SLC5A10: variants seen among roughly 807,000 people sequenced by gnomAD.
The protein encoded by SLC5A10 is solute carrier family 5 member 10, also known as sodium/mannose cotransporter SLC5A10.
Under a neutral mutation model 68.9 loss-of-function variants are expected in SLC5A10, and 55 were observed. The ratio of observed to expected loss-of-function variants is 0.80; its 90% confidence interval spans 0.64 to 1.00. SLC5A10 has a LOEUF of 1.00. Among genes scored for constraint, SLC5A10 ranks in the 50% least tolerant of loss-of-function variants. The probability of loss-of-function intolerance (pLI) is 0.00; values close to 1 mark genes in which losing one functional copy is unlikely to be tolerated. For synonymous variants in SLC5A10, 344 were observed against 344.8 expected, an observed-to-expected ratio of 1.00 and a Z score of 0.02; for missense variants, 732 against 819.3, an observed-to-expected ratio of 0.89 and a Z score of 1.30.
intron 9 of SLC5A10, chr17:18,977,307 C>T: frequency 1.7e-6 from 1 of 581,416 alleles, no homozygotes; most frequent in Non-Finnish European, 3.0e-6. Flanking sequence ...GATCCTCTAA[C>T]CACAGGCTTT....
rs373054604 is a variant in SLC5A10, at chr17:18,969,304, G to A, written c.560-38G>A. On this transcript the variant is annotated intron_variant, in intron 6 of 14. Transcript: ENST00000395645. ...CCTCCCCGTGTCCCTCCTCCCTGGG[G>A]CCAGGGCCCCCTCCAGCAACCTTGC... 4.2e-5 allele frequency: 68 copies of A among 1,606,720 alleles called. No individual in the cohort carries two copies. In the African/African-American group the frequency reaches 8.4e-4, roughly 20 times the overall value.
rs1302056688 is a variant in SLC5A10 at position 19,020,528 on chromosome 17, C to T, written c.*97C>T. 2 of 1,188,154 alleles carry T rather than the reference C, an allele frequency of 1.7e-6. No individual in the cohort carries two copies. The highest frequency in any genetic ancestry group is 1.5e-5 in the African/African-American group (1 of 66,234). 73.6% of individuals were successfully genotyped at this position (1,188,154 alleles called of 1,614,324 possible). On this transcript the variant is annotated 3_prime_UTR_variant, in exon 15 of 15. Transcript: ENST00000395645. ...GAGGCCCCAAGAGGGGCAGATTCCC[C>T]TCACAGCTGCACAGCAGCTCGGTGC...
intron 9 of SLC5A10, among the ~76,000 whole-genome samples, chr17:18,991,544 T>C (rs1022145023): frequency 1.3e-5 from 2 of 152,160 alleles, no homozygotes; most frequent in Admixed American, 1.3e-4. Flanking sequence ...CAGCTCTACC[T>C]GCTGTTATGT....
At chr17:18,955,877 C>A (rs765817025) in intron 1 of SLC5A10, among the ~76,000 whole-genome samples, 1 of 152,094 alleles carries the variant, frequency 6.6e-6, no homozygotes, top group South Asian at 2.1e-4. Context: ...GCCTGGGCAA[C>A]ATAATGAGAC....
Position 19,022,108 on chromosome 17 carries a change from A to G in SLC5A10, c.*1677A>G, listed in dbSNP as rs772134595. The G allele has an allele frequency of 6.4e-7, 1 of 1,564,056 alleles. No individual in the cohort carries two copies. Among genetic ancestry groups the G allele is most frequent in the Non-Finnish European group, 8.7e-7 (1 of 1,155,836 alleles). ...AGCTGCGAGGGGTCCTGGGCTGAGA[A>G]GTCAAACTGGGCCTGGGCAAAGCAG... On this transcript the variant is annotated 3_prime_UTR_variant, in exon 15 of 15. Coordinates refer to ENST00000395645, the MANE Select transcript of SLC5A10 (RefSeq NM_001042450.4).
intron 9 of SLC5A10, among the ~76,000 whole-genome samples, chr17:18,992,460 A>C (rs1270575703): frequency 6.6e-6 from 1 of 152,064 alleles, no homozygotes; most frequent in Admixed American, 6.5e-5. Flanking sequence ...GGAGAACCCC[A>C]CCTGTGGCCA....
intron 1 of SLC5A10, among the ~76,000 whole-genome samples, chr17:18,954,480 G>C (rs1169217311): frequency 6.6e-6 from 1 of 152,240 alleles, no homozygotes; most frequent in Non-Finnish European, 1.5e-5. Context: ...AGCAGGCTAG[G>C]CTGGCCCAGC....
chr17:18,976,643 ACCTCG>A, intron 8 of SLC5A10: 1 of 597,514 alleles, frequency 1.7e-6, no homozygotes, highest in Non-Finnish European at 2.9e-6. Context: ...GAATGAGTGT[ACCTCG>A]GCTCTCGCTG....
chr17:18,995,799 T>C (rs910031002), intron 9 of SLC5A10, among the ~76,000 whole-genome samples: 41 of 151,836 alleles, frequency 2.7e-4, no homozygotes, highest in African/African-American at 9.9e-4. Context: ...TCCCAGCTAC[T>C]TGGGAGGCTG....
chr17:19,016,130 C>T (rs2044134195), intron 11 of SLC5A10, among the ~76,000 whole-genome samples: 1 of 151,892 alleles, frequency 6.6e-6, no homozygotes, highest in African/African-American at 2.4e-5. Flanking sequence ...CCTGCGACCT[C>T]CACCTCCCGG....
At chr17:19,006,020 A>G (rs937617824) in intron 9 of SLC5A10, among the ~76,000 whole-genome samples, 4 of 152,122 alleles carry the variant, frequency 2.6e-5, no homozygotes, top group African/African-American at 9.7e-5. Flanking sequence ...CTGTGTTCTT[A>G]CCAATGCACA....
chr17:19,010,747 C>A (rs1275483707), intron 9 of SLC5A10, among the ~76,000 whole-genome samples: 1 of 152,228 alleles, frequency 6.6e-6, no homozygotes, highest in African/African-American at 2.4e-5. Context: ...AGCCCATCAG[C>A]AGTGGCTCAT....
chr17:19,006,543 TCAC>T (rs977632403), intron 9 of SLC5A10, among the ~76,000 whole-genome samples: 1 of 152,162 alleles, frequency 6.6e-6, no homozygotes, highest in Non-Finnish European at 1.5e-5. Flanking sequence ...TGGCCAGATT[TCAC>T]CAGTTTTACA....
In SLC5A10 at chr17:18,959,247, C is replaced by T; in HGVS notation, c.288+8C>T. The T allele has an allele frequency of 2.5e-6, 4 of 1,612,490 alleles. No individual in the cohort carries two copies. The highest frequency in any genetic ancestry group is 3.4e-6 in the Non-Finnish European group (4 of 1,179,768). ...GCAGGCTTCGAGTGGAATGTGAGTCCTGGAGGACTGGCGGCCTGTGGGAGG... is the reference window on the plus strand; with the variant it reads ...GCAGGCTTCGAGTGGAATGTGAGTCTTGGAGGACTGGCGGCCTGTGGGAGG... On this transcript the variant is annotated splice_region_variant and intron_variant, in intron 3 of 14. Transcript: ENST00000395645.
Position 19,004,564 on chromosome 17 carries a change from A to T in SLC5A10, c.983-8846A>T, listed in dbSNP as rs1567808270. The T allele has an allele frequency of 6.6e-6, 1 of 151,534 alleles. No homozygotes were observed. Among genetic ancestry groups the T allele is most frequent in the Non-Finnish European group, 1.5e-5 (1 of 67,860 alleles). The allele number at this position is 151,534 out of a possible 1,614,324, so 9.4% of individuals were successfully genotyped here. On this transcript the variant is annotated intron_variant, in intron 9 of 14. Transcript: ENST00000395645. The surrounding 1 kb of genome is among the most constrained non-coding windows in gnomAD (Gnocchi z 5.4). Reference sequence around the variant, plus strand: ...CTTCCGGGTAAGGGAGGGGTCTTAAAATTTCCGGGTGCCGGCAACCCAGGA... The same window carrying T: ...CTTCCGGGTAAGGGAGGGGTCTTAATATTTCCGGGTGCCGGCAACCCAGGA...
At chr17:18,970,946 G>A (rs373804510) in intron 7 of SLC5A10, 67 bp from the exon 8 acceptor site, 33 of 1,485,926 alleles carry the variant, frequency 2.2e-5, no homozygotes, top group Admixed American at 5.1e-5. Context: ...ATGAAGGCAG[G>A]GGGGAGCCCA....
chr17:18,993,862 A>G (rs1246171167), intron 9 of SLC5A10, among the ~76,000 whole-genome samples: 1 of 152,232 alleles, frequency 6.6e-6, no homozygotes, highest in African/African-American at 2.4e-5. Context: ...GGGGATAATA[A>G]CAATCCCCAC....
Position 19,020,476 on chromosome 17 carries a change from T to A in SLC5A10, c.*45T>A. 1 of 1,576,904 alleles carries A rather than the reference T, an allele frequency of 6.3e-7. No individual in the cohort carries two copies. The highest frequency in any genetic ancestry group is 8.7e-7 in the Non-Finnish European group (1 of 1,148,938). ...AAGGCAGGAGCTCTGAGTCCTCAGG[T>A]CCACCCATTTCCCTCATGGGGATCC... On this transcript the variant is annotated 3_prime_UTR_variant, in exon 15 of 15. Transcript: ENST00000395645.
chr17:19,019,219 T>C, intron 11 of SLC5A10: 1 of 608,626 alleles, frequency 1.6e-6, no homozygotes, highest in South Asian at 2.1e-5. Flanking sequence ...GAGCTGCACC[T>C]GCAGGATCCA....
Sources: gnomAD v4.1 joint callset for allele counts (sites outside exome capture counted in the v4.1 genomes callset) on GRCh38, gnomAD v4.1.1 for gene constraint, Gnocchi (gnomAD v3.1) non-coding constraint, MANE v1.5 for transcripts, NCBI Gene and HGNC (gene_info 2026-07-23, HGNC 2026-07-21) for gene names.